Variants in SPATA6L observed in about 807,000 individuals in gnomAD.
The protein encoded by SPATA6L is spermatogenesis associated 6-like protein.
SPATA6L carries 68 observed loss-of-function variants against 49.2 expected under a neutral mutation model. The ratio of observed to expected loss-of-function variants is 1.38; its 90% confidence interval spans 1.14 to 1.69. The LOEUF (loss-of-function observed/expected upper bound fraction) is 1.69. Ranked by LOEUF, SPATA6L falls within the 40% of genes most tolerant of loss-of-function variation. The pLI, the probability that SPATA6L is intolerant of heterozygous loss-of-function variation, is 0.00. For missense variants in SPATA6L, 668 were observed against 464.3 expected, an observed-to-expected ratio of 1.44 and a Z score of -4.03; for synonymous variants, 198 against 165.7, an observed-to-expected ratio of 1.19 and a Z score of -1.50.
Position 4,611,396 on chromosome 9 carries a change from C to G in SPATA6L, c.996-5956G>C, listed in dbSNP as rs563073558. ...CACAATAGCAAAGACTCGGAACCAA[C>G]CCAAATGTCCAAGAATGATAGACTG... On this transcript the variant is annotated intron_variant, in intron 9 of 11. Transcript: ENST00000682582. Among the ~76,000 whole-genome samples, 4 of 149,012 alleles carry G rather than the reference C, an allele frequency of 2.7e-5. No homozygotes were observed. In the South Asian group the frequency reaches 8.3e-4, roughly 31 times the overall value.
intron 8 of SPATA6L, among the ~76,000 whole-genome samples, 186 bp from the exon 9 acceptor site, chr9:4,618,296 A>G (rs1249791844): frequency 1.3e-5 from 2 of 152,104 alleles, no homozygotes; most frequent in Non-Finnish European, 2.9e-5. Flanking sequence ...TCAGGAGTTC[A>G]GACTGATAAA....
intron 2 of SPATA6L, among the ~76,000 whole-genome samples, chr9:4,660,903 C>G (rs908111654): frequency 6.6e-6 from 1 of 152,076 alleles, no homozygotes; most frequent in Non-Finnish European, 1.5e-5. Context: ...AAGCTGGAAA[C>G]CATCATTCTC....
At chr9:4,626,453 A>G in intron 5 of SPATA6L, 1 of 1,304,416 alleles carries the variant, frequency 7.7e-7, no homozygotes, top group Non-Finnish European at 1.0e-6. Context: ...AGCATCCAGG[A>G]AAGCAGCCCT....
intron 7 of SPATA6L, among the ~76,000 whole-genome samples, chr9:4,620,541 C>T (rs1214814288): frequency 6.6e-6 from 1 of 152,170 alleles, no homozygotes; most frequent in East Asian, 1.9e-4. Flanking sequence ...GTTTGAGAAG[C>T]ACTGCTGTGT....
intron 11 of SPATA6L, among the ~76,000 whole-genome samples, chr9:4,601,793 G>C (rs918600581): frequency 6.6e-6 from 1 of 152,166 alleles, no homozygotes; most frequent in Non-Finnish European, 1.5e-5. Context: ...CCTGCCTGGG[G>C]TCTGTCCTCC....
intron 9 of SPATA6L, among the ~76,000 whole-genome samples, chr9:4,605,728 T>A (rs778598796): frequency 2.6e-5 from 4 of 151,880 alleles, no homozygotes; most frequent in Non-Finnish European, 5.9e-5. Flanking sequence ...ATTTCTCTCA[T>A]GAACAAACCC....
Position 4,629,138 on chromosome 9 carries a change from T to G in SPATA6L, c.382A>C (p.Arg128=). The change falls in exon 5 of 12, where the codon AGG becomes CGG. Residue 128 remains arginine, a synonymous_variant. Coordinates refer to ENST00000682582, the MANE Select transcript of SPATA6L (RefSeq NM_001353486.2). The stretch of plus-strand genomic sequence containing the variant: ...AACACACATTCTCTGATGGCTGTCC[T>G]TGTAGAAAACTCTATTTTGGGAGCA... The part of the protein sequence containing the change: ...GIAPKIEFST[R]TAIRECVFLH... 6.2e-7 allele frequency: 1 copy of G among 1,611,676 alleles called. No individual in the cohort carries two copies. The highest frequency in any genetic ancestry group is 1.1e-5 in the South Asian group (1 of 90,906).
At chr9:4,641,757 C>T (rs1291573053) in intron 3 of SPATA6L, among the ~76,000 whole-genome samples, 1 of 152,140 alleles carries the variant, frequency 6.6e-6, no homozygotes, top group East Asian at 1.9e-4. Context: ...TAAAAAGACA[C>T]ACATCAAATT....
chr9:4,634,815 C>T (rs1832438393), intron 4 of SPATA6L, among the ~76,000 whole-genome samples: 2 of 152,164 alleles, frequency 1.3e-5, no homozygotes, highest in South Asian at 4.1e-4. Context: ...CAAGATCCTT[C>T]AGTAATATCA....
intron 4 of SPATA6L, among the ~76,000 whole-genome samples, chr9:4,634,053 C>A (rs1832240623): frequency 6.6e-6 from 1 of 152,018 alleles, no homozygotes; most frequent in Non-Finnish European, 1.5e-5. Flanking sequence ...TATTTATGAC[C>A]ATAAAGTTAA....
At chr9:4,602,892 G>C (rs1823717407) in intron 11 of SPATA6L, among the ~76,000 whole-genome samples, 1 of 152,130 alleles carries the variant, frequency 6.6e-6, no homozygotes, top group Admixed American at 6.5e-5. Context: ...TATCTCATTG[G>C]GTTGTCCTGA....
At position 4,599,054 on chromosome 9, in the gene SPATA6L, G is replaced by A. The variant is rs1389067403; in HGVS notation, c.*1757C>T. Among the ~76,000 whole-genome samples, 1 of 152,206 alleles carries A rather than the reference G, an allele frequency of 6.6e-6. No homozygotes were observed. Among genetic ancestry groups the A allele is most frequent in the African/African-American group, 2.4e-5 (1 of 41,450 alleles). On this transcript the variant is annotated 3_prime_UTR_variant, in exon 12 of 12. Coordinates refer to ENST00000682582, the MANE Select transcript of SPATA6L (RefSeq NM_001353486.2). ...CTTCAGGATAGGGGATAGGACCCAA[G>A]TCTAAACACGAAATTCATTTACGTT...
chr9:4,610,130 C>T (rs1289543814), intron 9 of SPATA6L, among the ~76,000 whole-genome samples: 1 of 152,130 alleles, frequency 6.6e-6, no homozygotes, highest in African/African-American at 2.4e-5. Flanking sequence ...TAAACCACTG[C>T]TCAATGAAAT....
At chr9:4,637,437 T>C (rs1333837149) in intron 3 of SPATA6L, among the ~76,000 whole-genome samples, 1 of 152,218 alleles carries the variant, frequency 6.6e-6, no homozygotes, top group Non-Finnish European at 1.5e-5. Flanking sequence ...TTTTTGTTCA[T>C]GTATTTATTC....
rs975959431 is a variant in SPATA6L at position 4,598,388 on chromosome 9, A to T, written c.*2423T>A. On this transcript the variant is annotated 3_prime_UTR_variant, in exon 12 of 12. Coordinates refer to ENST00000682582, the MANE Select transcript of SPATA6L (RefSeq NM_001353486.2). The stretch of plus-strand genomic sequence containing the variant: ...ACCCCAAAACATCACAAAATTATTC[A>T]TACTATTATACACTCCAAAAGCAAA... Among the ~76,000 whole-genome samples the T allele has an allele frequency of 6.6e-6, 1 of 152,238 alleles. No homozygotes were observed. The highest frequency in any genetic ancestry group is 2.4e-5 in the African/African-American group (1 of 41,456).
chr9:4,619,155 CTTTTTT>C (rs57028759), intron 7 of SPATA6L, among the ~76,000 whole-genome samples: 1 of 118,178 alleles, frequency 8.5e-6, no homozygotes, highest in African/African-American at 3.4e-5. Context: ...CAGGTTTTCT[CTTTTTT>C]TTTTTTTTTT....
chr9:4,660,374 C>G (rs560661501), intron 2 of SPATA6L, among the ~76,000 whole-genome samples: 7 of 152,298 alleles, frequency 4.6e-5, no homozygotes, highest in South Asian at 2.1e-4. Context: ...GGGTGAAGGA[C>G]ATGAACAGAC....
rs1839920088 is a variant in SPATA6L at position 4,662,068 on chromosome 9, G to A, written c.40-32C>T. 3 of 1,609,346 alleles carry A rather than the reference G, an allele frequency of 1.9e-6. No individual in the cohort carries two copies. Among genetic ancestry groups the A allele is most frequent in the Non-Finnish European group, 2.5e-6 (3 of 1,177,682 alleles). The stretch of plus-strand genomic sequence containing the variant: ...AAGAAAGAAAACAACAAACAAGGGA[G>A]AGAAAACAGACTTTGCTTTGTTTTG... On this transcript the variant is annotated intron_variant, in intron 1 of 11. Coordinates refer to ENST00000682582, the MANE Select transcript of SPATA6L (RefSeq NM_001353486.2). This position sits in a 1 kb window ranked among gnomAD's most constrained non-coding sequence, Gnocchi z 4.9.
intron 3 of SPATA6L, among the ~76,000 whole-genome samples, chr9:4,651,037 C>G (rs1445951286): frequency 6.6e-6 from 1 of 152,036 alleles, no homozygotes; most frequent in Non-Finnish European, 1.5e-5. Context: ...GAGTCCTGCT[C>G]TGTCACCCAA....
Sources: gnomAD v4.1 joint callset for allele counts (sites outside exome capture counted in the v4.1 genomes callset) on GRCh38, gnomAD v4.1.1 for gene constraint, Gnocchi (gnomAD v3.1) non-coding constraint, MANE v1.5 for transcripts, NCBI Gene and HGNC (gene_info 2026-07-23, HGNC 2026-07-21) for gene names.